Variants in ZNF208 observed in about 807,000 individuals in gnomAD.
The protein encoded by ZNF208 is zinc finger protein 95.
In ZNF208, 10 loss-of-function variants were observed where a neutral mutation model predicts 12.1. The ratio of observed to expected loss-of-function variants is 0.83; its 90% CI spans 0.51 to 1.40. ZNF208 has a LOEUF of 1.40. Among genes scored for constraint, ZNF208 ranks in the 40% most tolerant of loss-of-function variants. The pLI, the probability that ZNF208 is intolerant of heterozygous loss-of-function variation, is 0.00. For synonymous variants in ZNF208, 497 were observed against 488.4 expected (o/e 1.02, Z -0.23); for missense variants, 1,652 against 1,485.0 (o/e 1.11, Z -1.85).
chr19:21,958,314 A>G (rs1483814421), intron 4 of ZNF208, among the ~76,000 whole-genome samples: 1 of 152,162 alleles, frequency 6.6e-6, no homozygotes, highest in Non-Finnish European at 1.5e-5. Context: ...CCAACCAGCA[A>G]TCTCTGCCTG....
Position 21,971,094 on chromosome 19 carries a change from A to G in ZNF208, c.*97T>C, listed in dbSNP as rs1970270754. The G allele has an allele frequency of 6.2e-7, 1 of 1,611,662 alleles. No individual in the cohort carries two copies. The highest frequency in any genetic ancestry group is 1.3e-5 in the African/African-American group (1 of 74,232). On this transcript the variant is annotated 3_prime_UTR_variant, in exon 4 of 4. Transcript: ENST00000397126. ...GAGGACCAGTTGAAAGCCTCACCACATTCTTCACATTTGTAGGGTTTCTCT... is the reference window on the plus strand; with the variant it reads ...GAGGACCAGTTGAAAGCCTCACCACGTTCTTCACATTTGTAGGGTTTCTCT...
intron 3 of ZNF208, among the ~76,000 whole-genome samples, chr19:21,975,917 T>C (rs1167530820): frequency 6.9e-6 from 1 of 144,916 alleles, no homozygotes; most frequent in Non-Finnish European, 1.5e-5. Flanking sequence ...AAAACAACTT[T>C]CAAAATAACT....
downstream of ZNF208, among the ~76,000 whole-genome samples, chr19:21,962,173 T>G (rs556406844): frequency 5.3e-4 from 81 of 152,288 alleles, no homozygotes; most frequent in African/African-American, 1.9e-3. Flanking sequence ...TTTATGTTCC[T>G]CTGCCACAGC....
intron 1 of ZNF208, among the ~76,000 whole-genome samples, chr19:22,009,765 T>A (rs113335806): frequency 0.036 from 4,646 of 130,462 alleles, 248 homozygotes; most frequent in African/African-American, 0.12. Context: ...AAAAAAAAAA[T>A]CTAATTCAAA....
chr19:21,983,613 C>A (rs1245836088), intron 3 of ZNF208, among the ~76,000 whole-genome samples: 2 of 152,014 alleles, frequency 1.3e-5, no homozygotes, highest in Non-Finnish European at 1.5e-5. Context: ...AAATGCCCAT[C>A]AGTAATATAC....
intron 4 of ZNF208, among the ~76,000 whole-genome samples, chr19:21,952,265 T>C (rs147811296): frequency 7.9e-5 from 12 of 152,236 alleles, no homozygotes; most frequent in Non-Finnish European, 1.8e-4. Flanking sequence ...CAGATTTATA[T>C]GTTCCTGTCT....
chr19:21,970,656 C>G lies in ZNF208; in HGVS notation c.*535G>C. 9.6e-7 allele frequency: 1 copy of G among 1,037,438 alleles called. No homozygotes were observed. Among genetic ancestry groups the G allele is most frequent in the Non-Finnish European group, 1.5e-6 (1 of 674,004 alleles). 64.3% of individuals were successfully genotyped at this position (1,037,438 alleles called of 1,614,324 possible). On this transcript the variant is annotated 3_prime_UTR_variant, in exon 4 of 4. Transcript: ENST00000397126. Reference sequence around the variant, plus strand: ...TCTTATGTTCCATAAGGTTTGAGGACTGGTTGAAGCCTTTGCCACATTCTT... The same window carrying G: ...TCTTATGTTCCATAAGGTTTGAGGAGTGGTTGAAGCCTTTGCCACATTCTT...
intron 3 of ZNF208, among the ~76,000 whole-genome samples, chr19:21,981,332 C>G (rs1970533829): frequency 6.6e-6 from 1 of 152,082 alleles, no homozygotes; most frequent in South Asian, 2.1e-4. Flanking sequence ...CAAACTGAAT[C>G]CAGCAGCACA....
intron 1 of ZNF208, among the ~76,000 whole-genome samples, chr19:21,990,949 T>G (rs1378107800): frequency 6.6e-6 from 1 of 152,224 alleles, no homozygotes; most frequent in Non-Finnish European, 1.5e-5. Context: ...TTTTGTACAT[T>G]GATTTTGTAT....
rs377708046 is a variant in ZNF208, at chr19:21,971,174, C to A, written c.*17G>T. ...GGTTGAGGGCCACTTATAGGCTTTGCCACATTCTTCACATTTCTAGAGTTT... is the reference window on the plus strand; with the variant it reads ...GGTTGAGGGCCACTTATAGGCTTTGACACATTCTTCACATTTCTAGAGTTT... On this transcript the variant is annotated 3_prime_UTR_variant, in exon 4 of 4. Coordinates refer to ENST00000397126, the MANE Select transcript of ZNF208 (RefSeq NM_007153.3). 1 of 1,612,038 alleles carries A rather than the reference C, an allele frequency of 6.2e-7. No individual in the cohort carries two copies. The highest frequency in any genetic ancestry group is 8.5e-7 in the Non-Finnish European group (1 of 1,179,508).
At chr19:21,951,406 GA>G (rs1969885729) in intron 4 of ZNF208, among the ~76,000 whole-genome samples, 1 of 152,026 alleles carries the variant, frequency 6.6e-6, no homozygotes, top group Non-Finnish European at 1.5e-5. Flanking sequence ...AAAATTATAA[GA>G]AGGCATAAAA....
chr19:21,970,713 T>C lies in ZNF208; in HGVS notation c.*478A>G, dbSNP rs1970262890. 1 of 1,205,944 alleles carries C rather than the reference T, an allele frequency of 8.3e-7. No homozygotes were observed. The highest frequency in any genetic ancestry group is 1.7e-5 in the Admixed American group (1 of 57,792). 74.7% of individuals were successfully genotyped at this position (1,205,944 alleles called of 1,614,324 possible). ...TGTAGAGTTTCTCTCCAGCATGAAT[T>C]TTCTTATGTGTAGGAGGGTTGGGAA... On this transcript the variant is annotated 3_prime_UTR_variant, in exon 4 of 4. Transcript: ENST00000397126.
At position 21,969,101 on chromosome 19, in the gene ZNF208, A is replaced by G. The variant is rs529214265; in HGVS notation, c.*2090T>C. Among the ~76,000 whole-genome samples, 9 of 152,220 alleles carry G rather than the reference A, an allele frequency of 5.9e-5. No individual in the cohort carries two copies. Among genetic ancestry groups the G allele is most frequent in the African/African-American group, 2.2e-4 (9 of 41,572 alleles). ...TGGGAGGCTGAGGTGGGAGAATGGC[A>G]TGAACCTGGAAGCTAGACCTTGGCT... On this transcript the variant is annotated 3_prime_UTR_variant, in exon 4 of 4. Transcript: ENST00000397126.
intron 4 of ZNF208, chr19:21,940,153 T>C (rs1322092578): frequency 8.4e-6 from 1 of 118,728 alleles, no homozygotes; most frequent in African/African-American, 3.0e-5. Flanking sequence ...TTTATAAGAG[T>C]AAAGAGCAAT....
At chr19:21,957,784 G>A (rs1969999167) in intron 4 of ZNF208, among the ~76,000 whole-genome samples, 1 of 151,874 alleles carries the variant, frequency 6.6e-6, no homozygotes, top group African/African-American at 2.4e-5. Context: ...AGTCTATTTT[G>A]CAAACAATTC....
Position 21,970,752 on chromosome 19 carries a change from T to C in ZNF208, c.*439A>G. Reference sequence around the variant, plus strand: ...GAGGGTTGGGAACTGTTTAAAAGCTTTGCCAAATTCTTCACATTTTTAGAA... The same window carrying C: ...GAGGGTTGGGAACTGTTTAAAAGCTCTGCCAAATTCTTCACATTTTTAGAA... On this transcript the variant is annotated 3_prime_UTR_variant, in exon 4 of 4. Transcript: ENST00000397126. 2.2e-6 allele frequency: 3 copies of C among 1,353,910 alleles called. No individual in the cohort carries two copies. Among genetic ancestry groups the C allele is most frequent in the Non-Finnish European group, 3.2e-6 (3 of 950,776 alleles). 83.9% of individuals were successfully genotyped at this position (1,353,910 alleles called of 1,614,324 possible).
In ZNF208 at chr19:21,987,208, T is replaced by C. The variant is rs1970642014; in HGVS notation, c.226+8A>G. On this transcript the variant is annotated splice_region_variant and intron_variant, in intron 3 of 3. Transcript: ENST00000397126. ...TCATCCATGTTGTCTGTATTCACTC[T>C]CACCTACCTGGGGATTCTTCCACCA... The C allele has an allele frequency of 3.1e-6, 5 of 1,608,926 alleles. No homozygotes were observed. The highest frequency in any genetic ancestry group is 4.2e-6 in the Non-Finnish European group (5 of 1,178,068).
At chr19:22,006,706 A>C (rs1971050724) in intron 1 of ZNF208, among the ~76,000 whole-genome samples, 1 of 152,190 alleles carries the variant, frequency 6.6e-6, no homozygotes, top group African/African-American at 2.4e-5. Context: ...CTTAGCTTGC[A>C]GTCATTAGGC....
intron 4 of ZNF208, among the ~76,000 whole-genome samples, chr19:21,952,350 G>A (rs1378631706): frequency 6.6e-6 from 1 of 152,164 alleles, no homozygotes; most frequent in African/African-American, 2.4e-5. Context: ...ACCTCCTCAA[G>A]TCAATCCCTG....
Sources: gnomAD v4.1 joint callset for allele counts (sites outside exome capture counted in the v4.1 genomes callset) on GRCh38, gnomAD v4.1.1 for gene constraint, MANE v1.5 for transcripts, NCBI Gene and HGNC (gene_info 2026-07-23, HGNC 2026-07-21) for gene names.